The following DHX32 variants were observed in gnomAD, a reference collection of about 807,000 sequenced individuals.
DHX32 encodes putative pre-mRNA-splicing factor ATP-dependent RNA helicase DHX32.
Under a neutral mutation model 70.0 loss-of-function variants are expected in DHX32, and 51 were observed. The observed-to-expected ratio is 0.73, with a 90% confidence interval of 0.58 to 0.92. DHX32 has a LOEUF of 0.92. Ranked by LOEUF, DHX32 falls within the 40% of genes least tolerant of loss-of-function variation. The pLI, the probability that DHX32 is intolerant of heterozygous loss-of-function variation, is 0.00. For missense variants in DHX32, 762 were observed against 891.8 expected (o/e 0.85, Z 1.85); for synonymous variants, 310 against 315.3 (o/e 0.98, Z 0.18).
intron 3 of DHX32, among the ~76,000 whole-genome samples, chr10:125,859,267 C>T (rs534977878): frequency 7.2e-5 from 11 of 152,170 alleles, no homozygotes; most frequent in African/African-American, 2.7e-4. Flanking sequence ...TCAGGGGAGT[C>T]GGCATGCACC....
intron 4 of DHX32, chr10:125,853,141 A>C (rs1163578162): frequency 6.2e-7 from 1 of 1,610,786 alleles, no homozygotes; most frequent in Non-Finnish European, 8.5e-7. Flanking sequence ...CACGGGGGCA[A>C]GTGACAGCCC....
chr10:125,867,691 G>A (rs547941713), intron 1 of DHX32, among the ~76,000 whole-genome samples: 1 of 147,718 alleles, frequency 6.8e-6, no homozygotes, highest in South Asian at 2.1e-4. Context: ...AGCAGAGATT[G>A]TGCCACTGCA....
Position 125,867,173 on chromosome 10 carries a change from C to A in DHX32, c.293G>T (p.Trp98Leu). 1 of 1,607,572 alleles carries A rather than the reference C, an allele frequency of 6.2e-7. No homozygotes were observed. The highest frequency in any genetic ancestry group is 1.1e-5 in the South Asian group (1 of 90,264). ...KCGKSAQVPQ[W>L]CAEYCLSIHY... ...GATGGAAAGACAATATTCAGCACAC[C>A]ACTGAGGAACCTGTAGCAGGAAAAA... Residue 98 changes from tryptophan (W) to leucine (L), a missense_variant, in exon 2 of 11, where the codon TGG becomes TTG. Around this residue, in one of 3 missense-constraint regions of DHX32, gnomAD observed 394 missense variants for 473.1 expected, o/e 0.83. Coordinates refer to ENST00000284690, the MANE Select transcript of DHX32 (RefSeq NM_018180.3).
intron 2 of DHX32, among the ~76,000 whole-genome samples, chr10:125,864,042 G>A (rs892544048): frequency 6.6e-6 from 1 of 152,140 alleles, no homozygotes; most frequent in African/African-American, 2.4e-5. Context: ...TGAGTAAGTG[G>A]TGGAGACACC....
At chr10:125,883,229 A>C (rs931147216), upstream of DHX32, among the ~76,000 whole-genome samples, 5 of 152,160 alleles carry the variant, frequency 3.3e-5, no homozygotes, top group African/African-American at 1.2e-4. Context: ...GTATCCACAC[A>C]CATTAGCCTT....
In DHX32 at chr10:125,842,013, G is replaced by C. The variant is rs552960417; in HGVS notation, c.1352-79C>G. ...AACAGGTACTGGACTTTTCCCTCCT[G>C]CATGAAACAAGCAAACAATGGACAA... On this transcript the variant is annotated intron_variant, in intron 6 of 10. Transcript: ENST00000284690. 14 of 1,420,352 alleles carry C rather than the reference G, an allele frequency of 9.9e-6. No homozygotes were observed. In the African/African-American group the frequency reaches 1.5e-4, roughly 15 times the overall value. 88.0% of individuals were successfully genotyped at this position (1,420,352 alleles called of 1,614,324 possible).
At chr10:125,883,706 G>T (rs1400192296), upstream of DHX32, among the ~76,000 whole-genome samples, 2 of 152,234 alleles carry the variant, frequency 1.3e-5, no homozygotes, top group Non-Finnish European at 2.9e-5. Flanking sequence ...TTGACTTGCA[G>T]AAACAGATAA....
Position 125,836,829 on chromosome 10 carries a change from T to G in DHX32, c.2090A>C (p.Tyr697Ser). 6.2e-7 allele frequency: 1 copy of G among 1,614,164 alleles called. No individual in the cohort carries two copies. ...TTCACTAGGAGGCAGATTACTGAAATAGTATTGTGGTACCAGCTGCATAAA... is the reference window on the plus strand; with the variant it reads ...TTCACTAGGAGGCAGATTACTGAAAGAGTATTGTGGTACCAGCTGCATAAA... The part of the protein sequence containing the change: ...ELFMQLVPQY[Y>S]FSNLPPSESK... Residue 697 changes from tyrosine to serine, a missense_variant, in exon 11 of 11, where the codon TAT becomes TCT. By Grantham distance (144) the Tyr-to-Ser change is moderately radical. Around this residue, in one of 3 missense-constraint regions of DHX32, gnomAD observed 366 missense variants for 402.6 expected, o/e 0.91. Transcript: ENST00000284690.
upstream of DHX32, among the ~76,000 whole-genome samples, chr10:125,883,076 T>C (rs553689631): frequency 5.9e-5 from 9 of 152,266 alleles, 1 homozygote; most frequent in South Asian, 1.2e-3. Flanking sequence ...TCCCTAAGAG[T>C]GTAATAATCT....
intron 2 of DHX32, among the ~76,000 whole-genome samples, chr10:125,861,218 TAA>T: frequency 6.6e-6 from 1 of 151,554 alleles, no homozygotes; most frequent in African/African-American, 2.4e-5. Flanking sequence ...CCAGAACTGA[TAA>T]AGAGTAGTTT....
chr10:125,839,602 C>T (rs2134023641), intron 8 of DHX32, among the ~76,000 whole-genome samples: 1 of 152,310 alleles, frequency 6.6e-6, no homozygotes, highest in Non-Finnish European at 1.5e-5. Flanking sequence ...AAAAAGCCCA[C>T]AGTATAAATT....
chr10:125,864,852 C>T (rs1276659649), intron 2 of DHX32, among the ~76,000 whole-genome samples: 4 of 140,860 alleles, frequency 2.8e-5, no homozygotes. Flanking sequence ...ATCGCTTGAA[C>T]CCGGAAGATG....
At chr10:125,848,126 T>C (rs1401398618) in intron 6 of DHX32, among the ~76,000 whole-genome samples, 1 of 152,164 alleles carries the variant, frequency 6.6e-6, no homozygotes, top group Non-Finnish European at 1.5e-5. Context: ...ATTTTAGGGT[T>C]GGGACTTGGG....
chr10:125,851,542 T>C (rs939913822), intron 6 of DHX32, among the ~76,000 whole-genome samples: 2 of 151,996 alleles, frequency 1.3e-5, no homozygotes, highest in Admixed American at 6.5e-5. Context: ...CCTGGGCTTA[T>C]GAGATGAACA....
At chr10:125,863,362 G>A (rs956830600) in intron 2 of DHX32, among the ~76,000 whole-genome samples, 3 of 152,020 alleles carry the variant, frequency 2.0e-5, no homozygotes, top group African/African-American at 7.2e-5. Flanking sequence ...AATTGCCTAT[G>A]ATGTGTTTGA....
Position 125,836,434 on chromosome 10 carries a change from T to C in DHX32, c.*253A>G. On this transcript the variant is annotated 3_prime_UTR_variant, in exon 11 of 11. Coordinates refer to ENST00000284690, the MANE Select transcript of DHX32 (RefSeq NM_018180.3). ...TGACACATTTACAAAATACCAGTTTTTTAAAATTTTGGTCAAATTATGAGT... is the reference window on the plus strand; with the variant it reads ...TGACACATTTACAAAATACCAGTTTCTTAAAATTTTGGTCAAATTATGAGT... 5 of 1,438,264 alleles carry C rather than the reference T, an allele frequency of 3.5e-6. No individual in the cohort carries two copies. The highest frequency in any genetic ancestry group is 4.5e-6 in the Non-Finnish European group (5 of 1,102,640). The allele number at this position is 1,438,264 out of a possible 1,614,324, so 89.1% of individuals were successfully genotyped here.
At chr10:125,871,948 C>T (rs1332396133) in intron 1 of DHX32, among the ~76,000 whole-genome samples, 1 of 151,548 alleles carries the variant, frequency 6.6e-6, no homozygotes, top group East Asian at 1.9e-4. Flanking sequence ...CTGCAACCTC[C>T]GCCTCCCGGG....
At chr10:125,876,957 T>A (rs575034604) in intron 1 of DHX32, among the ~76,000 whole-genome samples, 1 of 152,158 alleles carries the variant, frequency 6.6e-6, no homozygotes, top group Non-Finnish European at 1.5e-5. Flanking sequence ...AGTAAATAAA[T>A]ACTCTGTTAA....
chr10:125,842,023 A>G (rs1017799612), intron 6 of DHX32, 89 bp from the exon 7 acceptor site: 12 of 1,398,470 alleles, frequency 8.6e-6, no homozygotes, highest in South Asian at 4.9e-5. Flanking sequence ...GCATGAAACA[A>G]GCAAACAATG....
Sources: gnomAD v4.1 joint callset for allele counts (sites outside exome capture counted in the v4.1 genomes callset) on GRCh38, gnomAD v4.1.1 for gene constraint, gnomAD v4.1.1 regional missense constraint, MANE v1.5 for transcripts, NCBI Gene and HGNC (gene_info 2026-07-23, HGNC 2026-07-21) for gene names.